The following CACHD1 variants were observed in gnomAD, a reference collection of about 807,000 sequenced individuals.
CACHD1 encodes the protein VWFA and cache domain-containing protein 1.
CACHD1 carries 71 observed loss-of-function variants against 138.7 expected under a neutral mutation model. The observed-to-expected ratio is 0.51, with a 90% confidence interval of 0.42 to 0.62. CACHD1 has a LOEUF of 0.62. Ranked by LOEUF, CACHD1 falls within the 20% of genes least tolerant of loss-of-function variation. The pLI, the probability that CACHD1 is intolerant of heterozygous loss-of-function variation, is 0.00. For synonymous variants in CACHD1, 578 were observed against 591.5 expected, an observed-to-expected ratio of 0.98 and a Z score of 0.33; for missense variants, 1,389 against 1,625.3, an observed-to-expected ratio of 0.85 and a Z score of 2.50.
intron 22 of CACHD1, among the ~76,000 whole-genome samples, 182 bp from the exon 23 acceptor site, chr1:64,677,977 A>G (rs551452650): frequency 6.6e-6 from 1 of 152,284 alleles, no homozygotes; most frequent in African/African-American, 2.4e-5. Context: ...AGAGGCATAA[A>G]ACAGTTATTT....
chr1:64,524,669 T>G (rs1259774408), intron 1 of CACHD1, among the ~76,000 whole-genome samples: 5 of 152,210 alleles, frequency 3.3e-5, no homozygotes, highest in African/African-American at 1.2e-4. Flanking sequence ...AAAAGGATGG[T>G]TCCAGAGATG....
At chr1:64,673,533 G>T in intron 19 of CACHD1, 69 bp downstream of exon 19, 1 of 1,207,932 alleles carries the variant, frequency 8.3e-7, no homozygotes. Flanking sequence ...TGGAATCATG[G>T]CTAGTGTCTG....
intron 7 of CACHD1, among the ~76,000 whole-genome samples, chr1:64,635,928 G>A (rs1648510405): frequency 1.3e-5 from 2 of 151,712 alleles, no homozygotes; most frequent in South Asian, 4.2e-4. Flanking sequence ...TGACCAACAT[G>A]GTGAAACCTC....
chr1:64,608,719 G>T (rs1179849556), intron 4 of CACHD1, among the ~76,000 whole-genome samples: 1 of 152,092 alleles, frequency 6.6e-6, no homozygotes, highest in East Asian at 1.9e-4. Flanking sequence ...GTAATGTTTT[G>T]CTCAGGTTCT....
intron 1 of CACHD1, among the ~76,000 whole-genome samples, chr1:64,526,895 C>A (rs1263244733): frequency 6.6e-6 from 1 of 152,244 alleles, no homozygotes; most frequent in African/African-American, 2.4e-5. Flanking sequence ...TTCGCAAAAC[C>A]ATTTATTCCT....
At chr1:64,584,952 T>G (rs1392293407) in intron 3 of CACHD1, among the ~76,000 whole-genome samples, 1 of 152,186 alleles carries the variant, frequency 6.6e-6, no homozygotes, top group Non-Finnish European at 1.5e-5. Context: ...TTGGAAATGA[T>G]TTTATGAACT....
chr1:64,574,231 G>A (rs1646948703), intron 2 of CACHD1, among the ~76,000 whole-genome samples: 1 of 152,082 alleles, frequency 6.6e-6, no homozygotes, highest in South Asian at 2.1e-4. Flanking sequence ...ACGAGCTTGG[G>A]CAAACCACTG....
At chr1:64,612,256 C>A (rs1362059654) in intron 4 of CACHD1, among the ~76,000 whole-genome samples, 1 of 152,184 alleles carries the variant, frequency 6.6e-6, no homozygotes, top group African/African-American at 2.4e-5. Flanking sequence ...TATCTTAATA[C>A]AAAGTATCTC....
intron 1 of CACHD1, among the ~76,000 whole-genome samples, chr1:64,501,648 A>C (rs1646341030): frequency 1.3e-5 from 2 of 152,214 alleles, no homozygotes; most frequent in South Asian, 4.1e-4. Flanking sequence ...TTTGTGCACA[A>C]AAATACCCAA....
chr1:64,654,608 A>G (rs1649203510), intron 11 of CACHD1, 78 bp from the exon 12 acceptor site: 1 of 1,047,632 alleles, frequency 9.5e-7, no homozygotes, highest in East Asian at 2.4e-5. Context: ...CATTGACTCA[A>G]CAGCTTCTTC....
At chr1:64,475,707 C>T (rs1039714632) in intron 1 of CACHD1, among the ~76,000 whole-genome samples, 6 of 152,024 alleles carry the variant, frequency 3.9e-5, no homozygotes, top group Admixed American at 1.3e-4. Flanking sequence ...CCACGACACC[C>T]GGCTAATTTT....
chr1:64,574,907 T>TC (rs1646955076), intron 2 of CACHD1, among the ~76,000 whole-genome samples: 1 of 152,164 alleles, frequency 6.6e-6, no homozygotes, highest in South Asian at 2.1e-4. Flanking sequence ...AAAAATGCTT[T>TC]CCCCCACAAG....
rs188563543 is a variant in CACHD1 at position 64,560,368 on chromosome 1, A to C, written c.261+9712A>C. 1.5e-3 allele frequency among the ~76,000 whole-genome samples: 225 copies of C among 151,840 alleles called. 1 individual carries two copies. Among genetic ancestry groups the C allele is most frequent in the African/African-American group, 5.3e-3 (218 of 41,404 alleles). On this transcript the variant is annotated intron_variant, in intron 2 of 26. Transcript: ENST00000651257. ...AAGCTATAAACGTTTCTCTTAGTAC[A>C]CTTTATATACCTCAAAGTTTGACAT...
rs144669889 is a variant in CACHD1, at chr1:64,691,391, G to A, written c.3655G>A (p.Gly1219Arg). The change falls in exon 27 of 27, where the codon GGG (glycine) becomes AGG (arginine). Residue 1219 changes from glycine (G) to arginine (R), a missense_variant. Around this residue, in one of 5 missense-constraint regions of CACHD1, gnomAD observed 78 missense variants for 76.9 expected, o/e 1.01. Transcript: ENST00000651257. ...PPCNNDPLSA[G>R]VDVGNHDEDL... ...ATGCAACAATGACCCCTTGTCAGCC[G>A]GGGTCGATGTGGGAAACCATGATGA... The A allele has an allele frequency of 4.3e-6, 7 of 1,614,060 alleles. No individual in the cohort carries two copies. Among genetic ancestry groups the A allele is most frequent in the East Asian group, 2.2e-5 (1 of 44,868 alleles).
At chr1:64,563,090 G>T (rs989859819) in intron 2 of CACHD1, among the ~76,000 whole-genome samples, 1 of 152,096 alleles carries the variant, frequency 6.6e-6, no homozygotes, top group African/African-American at 2.4e-5. Flanking sequence ...TTTATCTTTA[G>T]ATAGAGTTTG....
chr1:64,487,912 G>C (rs1646252705), intron 1 of CACHD1, among the ~76,000 whole-genome samples: 1 of 152,210 alleles, frequency 6.6e-6, no homozygotes. Context: ...TATTACTACA[G>C]ATACAGCTTC....
intron 1 of CACHD1, among the ~76,000 whole-genome samples, chr1:64,472,401 A>C (rs979148479): frequency 1.3e-5 from 2 of 152,166 alleles, no homozygotes; most frequent in African/African-American, 4.8e-5. Context: ...AGACCACCGG[A>C]ATTTTTTAAA....
At chr1:64,492,870 G>A (rs1015040375) in intron 1 of CACHD1, among the ~76,000 whole-genome samples, 1 of 152,172 alleles carries the variant, frequency 6.6e-6, no homozygotes, top group Non-Finnish European at 1.5e-5. Context: ...CTAGAAAGAT[G>A]CCTGTTTTCT....
At chr1:64,603,902 G>A (rs1647264464) in intron 4 of CACHD1, among the ~76,000 whole-genome samples, 1 of 152,128 alleles carries the variant, frequency 6.6e-6, no homozygotes, top group South Asian at 2.1e-4. Flanking sequence ...AGGAACTTAA[G>A]AAATAATACC....
Sources: gnomAD v4.1 joint callset for allele counts (sites outside exome capture counted in the v4.1 genomes callset) on GRCh38, gnomAD v4.1.1 for gene constraint, gnomAD v4.1.1 regional missense constraint, MANE v1.5 for transcripts, NCBI Gene and HGNC (gene_info 2026-07-23, HGNC 2026-07-21) for gene names.